NPAS3: variants seen among roughly 807,000 people sequenced by gnomAD.
The protein encoded by NPAS3 is neuronal PAS domain-containing protein 3.
A neutral mutation model predicts 73.1 loss-of-function variants in NPAS3; 14 were observed. The observed-to-expected ratio is 0.19, with a 90% CI of 0.13 to 0.30. The LOEUF (loss-of-function observed/expected upper bound fraction) is 0.30, where lower values mean the gene tolerates loss of function less well. NPAS3 is among the 10% of genes least tolerant of loss of function. The pLI, the probability that NPAS3 is intolerant of heterozygous loss-of-function variation, is 1.00. For synonymous variants in NPAS3, 620 were observed against 541.5 expected (o/e 1.14, Z -2.01); for missense variants, 1,096 against 1,250.0 (o/e 0.88, Z 1.86).
intron 3 of NPAS3, among the ~76,000 whole-genome samples, chr14:33,231,499 G>C (rs1479323553): frequency 6.6e-6 from 1 of 152,064 alleles, no homozygotes; most frequent in African/African-American, 2.4e-5. Flanking sequence ...TGACTTTTTG[G>C]TTTAGAGCCT....
chr14:33,550,160 CTGTTGTT>C (rs1299795408), intron 4 of NPAS3, among the ~76,000 whole-genome samples: 11 of 152,192 alleles, frequency 7.2e-5, no homozygotes, highest in African/African-American at 2.4e-4. Flanking sequence ...CCAAGCACCA[CTGTTGTT>C]TTCTTTTGTT....
intron 1 of NPAS3, among the ~76,000 whole-genome samples, chr14:33,022,386 T>C (rs927069288): frequency 3.9e-5 from 6 of 152,074 alleles, no homozygotes; most frequent in Non-Finnish European, 7.4e-5. Flanking sequence ...TACTTTTGGC[T>C]GGGCGCGGTG....
intron 5 of NPAS3, among the ~76,000 whole-genome samples, chr14:33,670,557 C>T (rs2059581639): frequency 6.6e-6 from 1 of 151,536 alleles, no homozygotes; most frequent in Non-Finnish European, 1.5e-5. Flanking sequence ...GCTAATCAAG[C>T]TATCATATCT....
At chr14:33,296,001 G>A (rs112700652) in intron 3 of NPAS3, among the ~76,000 whole-genome samples, 7 of 152,044 alleles carry the variant, frequency 4.6e-5, no homozygotes, top group Non-Finnish European at 2.9e-5. Flanking sequence ...AAATCCTTAA[G>A]CAATACAAGA....
At chr14:33,177,071 T>A (rs112816674) in intron 2 of NPAS3, among the ~76,000 whole-genome samples, 2,025 of 138,320 alleles carry the variant, frequency 0.015, 66 homozygotes, top group African/African-American at 0.026. Flanking sequence ...TGTTTATCTT[T>A]TTATTATTAT....
chr14:33,059,585 A>AC (rs1217040351), intron 2 of NPAS3, among the ~76,000 whole-genome samples: 1 of 152,098 alleles, frequency 6.6e-6, no homozygotes, highest in Non-Finnish European at 1.5e-5. Flanking sequence ...TGGGCCTCAG[A>AC]CCCCTCCTTT....
intron 7 of NPAS3, among the ~76,000 whole-genome samples, chr14:33,747,357 A>G (rs2061837489): frequency 6.6e-6 from 1 of 152,214 alleles, no homozygotes; most frequent in Non-Finnish European, 1.5e-5. Flanking sequence ...CAAACACTGC[A>G]TATTCTACTG....
At chr14:33,562,522 T>G (rs933669405) in intron 5 of NPAS3, among the ~76,000 whole-genome samples, 2 of 152,180 alleles carry the variant, frequency 1.3e-5, no homozygotes, top group East Asian at 3.9e-4. Flanking sequence ...ACAACTGAAT[T>G]GATGAGGGGT....
At chr14:33,480,238 A>G (rs995462042) in intron 4 of NPAS3, among the ~76,000 whole-genome samples, 7 of 152,192 alleles carry the variant, frequency 4.6e-5, no homozygotes, top group African/African-American at 1.7e-4. Flanking sequence ...GAAGCATTTT[A>G]ATAAGAACTG....
chr14:33,632,883 T>C (rs1314614598), intron 5 of NPAS3, among the ~76,000 whole-genome samples: 1 of 152,208 alleles, frequency 6.6e-6, no homozygotes, highest in Admixed American at 6.5e-5. Context: ...GGGTGGCTTG[T>C]AGCTAAGCCA....
chr14:33,177,202 T>TTC (rs955058316), intron 2 of NPAS3, among the ~76,000 whole-genome samples: 11 of 151,646 alleles, frequency 7.3e-5, no homozygotes, highest in African/African-American at 2.7e-4. Context: ...GTTCATGCCA[T>TTC]TCTCCTGTCT....
At chr14:32,980,961 A>G (rs2037874260) in intron 1 of NPAS3, among the ~76,000 whole-genome samples, 3 of 152,190 alleles carry the variant, frequency 2.0e-5, no homozygotes, top group African/African-American at 7.2e-5. Flanking sequence ...ACACATACAC[A>G]CACACACATA....
intron 4 of NPAS3, among the ~76,000 whole-genome samples, chr14:33,543,079 A>T (rs2054594453): frequency 6.6e-6 from 1 of 152,196 alleles, no homozygotes; most frequent in Non-Finnish European, 1.5e-5. Flanking sequence ...TGGAGGGCAC[A>T]GTTGCTAAGG....
At chr14:33,773,987 C>T (rs1004610781) in intron 7 of NPAS3, among the ~76,000 whole-genome samples, 1 of 152,114 alleles carries the variant, frequency 6.6e-6, no homozygotes, top group Non-Finnish European at 1.5e-5. Context: ...AGATGTCGTC[C>T]ATTAATAAGG....
Position 33,368,805 on chromosome 14 carries a change from G to T in NPAS3, c.468+1537G>T, listed in dbSNP as rs534779734. On this transcript the variant is annotated intron_variant, in intron 4 of 11. Coordinates refer to ENST00000356141, the Ensembl canonical transcript of NPAS3. ...CTTCCTTTTCTCTTACACACATGTT[G>T]TTTGGAATCTTCATTATAGGTTTTG... Among the ~76,000 whole-genome samples, 6 of 152,206 alleles carry T rather than the reference G, an allele frequency of 3.9e-5. No individual in the cohort carries two copies. In the South Asian group the frequency reaches 1.2e-3, roughly 32 times the overall value.
intron 2 of NPAS3, among the ~76,000 whole-genome samples, chr14:33,061,768 C>T (rs1188622718): frequency 1.3e-5 from 2 of 152,172 alleles, no homozygotes; most frequent in African/African-American, 2.4e-5. Context: ...AAAACCTCTG[C>T]TCTCTAGAAG....
intron 3 of NPAS3, among the ~76,000 whole-genome samples, chr14:33,249,996 G>A (rs1421631862): frequency 6.6e-6 from 1 of 151,920 alleles, no homozygotes; most frequent in Admixed American, 6.6e-5. Context: ...AAGAATGGGA[G>A]TTTGGCAGAG....
At chr14:33,756,853 G>A (rs941703347) in intron 7 of NPAS3, among the ~76,000 whole-genome samples, 2 of 152,188 alleles carry the variant, frequency 1.3e-5, no homozygotes, top group South Asian at 2.1e-4. Flanking sequence ...AGCAATCCCT[G>A]GTAGTACATA....
intron 11 of NPAS3, 77 bp from the exon 12 acceptor site, chr14:33,799,657 G>C (rs2063621569): frequency 6.7e-7 from 1 of 1,501,668 alleles, no homozygotes; most frequent in African/African-American, 1.4e-5. Flanking sequence ...GTGACAGGCT[G>C]GGTCGCCCCG....
Sources: gnomAD v4.1 joint callset for allele counts (sites outside exome capture counted in the v4.1 genomes callset) on GRCh38, gnomAD v4.1.1 for gene constraint, MANE v1.5 for transcripts, NCBI Gene and HGNC (gene_info 2026-07-23, HGNC 2026-07-21) for gene names.